RAP1GDS1: variants seen among roughly 807,000 people sequenced by gnomAD.
RAP1GDS1 encodes RAP1, GTP-GDP dissociation stimulator 1.
RAP1GDS1 carries 35 observed loss-of-function variants against 71.1 expected under a neutral mutation model. The observed-to-expected ratio is 0.49, with a 90% CI of 0.38 to 0.65. The LOEUF (loss-of-function observed/expected upper bound fraction) is 0.65, where lower values mean the gene tolerates loss of function less well. Among genes scored for constraint, RAP1GDS1 ranks in the 30% least tolerant of loss-of-function variants. RAP1GDS1 has a pLI of 0.00. For missense variants in RAP1GDS1, 663 were observed against 706.1 expected (o/e 0.94, Z 0.69); for synonymous variants, 229 against 243.1 (o/e 0.94, Z 0.54).
chr4:98,378,488 C>G (rs1741505712), intron 4 of RAP1GDS1, among the ~76,000 whole-genome samples: 1 of 151,800 alleles, frequency 6.6e-6, no homozygotes, highest in Non-Finnish European at 1.5e-5. Flanking sequence ...TCAGGAATTA[C>G]CTATTATGAT....
At chr4:98,283,426 A>C (rs778336120) in intron 1 of RAP1GDS1, among the ~76,000 whole-genome samples, 5 of 152,184 alleles carry the variant, frequency 3.3e-5, no homozygotes, top group Non-Finnish European at 7.4e-5. Flanking sequence ...CATCAGTCAA[A>C]TGAGCAACAC....
In RAP1GDS1 at chr4:98,421,403, C is replaced by A; in HGVS notation, c.1440+9C>A. 1 of 1,584,666 alleles carries A rather than the reference C, an allele frequency of 6.3e-7. No homozygotes were observed. Among genetic ancestry groups the A allele is most frequent in the Non-Finnish European group, 8.6e-7 (1 of 1,166,624 alleles). ...GACACAGTAAATCAAAAGTAAGTTC[C>A]AGAGGAAACTGTTCACTAGAAAACT... On this transcript the variant is annotated intron_variant, in intron 12 of 14. Transcript: ENST00000408927.
intron 2 of RAP1GDS1, among the ~76,000 whole-genome samples, chr4:98,321,645 C>G (rs1368027599): frequency 5.4e-5 from 8 of 148,378 alleles, no homozygotes; most frequent in African/African-American, 1.7e-4. Flanking sequence ...ATTTTCAACC[C>G]AGAATTTCAT....
chr4:98,298,844 A>G (rs1202243746), intron 2 of RAP1GDS1, among the ~76,000 whole-genome samples: 1 of 152,178 alleles, frequency 6.6e-6, no homozygotes, highest in Non-Finnish European at 1.5e-5. Flanking sequence ...GAAAACCTGG[A>G]AAGGATTTAC....
At chr4:98,411,111 TACAA>T (rs1317882541) in intron 7 of RAP1GDS1, among the ~76,000 whole-genome samples, 1 of 152,260 alleles carries the variant, frequency 6.6e-6, no homozygotes, top group African/African-American at 2.4e-5. Context: ...ACATGATACA[TACAA>T]GTGTACATTC....
intron 1 of RAP1GDS1, among the ~76,000 whole-genome samples, chr4:98,262,776 T>G (rs1722208914): frequency 6.6e-6 from 1 of 152,240 alleles, no homozygotes. Flanking sequence ...ACTCAGAATC[T>G]TCAAGAAGTA....
chr4:98,416,048 C>T (rs1333368669), intron 7 of RAP1GDS1, among the ~76,000 whole-genome samples: 2 of 152,114 alleles, frequency 1.3e-5, no homozygotes, highest in Non-Finnish European at 2.9e-5. Flanking sequence ...TCCCAAAGCA[C>T]TGGGATTACA....
At chr4:98,278,993 CG>C (rs1245973436) in intron 1 of RAP1GDS1, among the ~76,000 whole-genome samples, 6 of 152,114 alleles carry the variant, frequency 3.9e-5, no homozygotes. Flanking sequence ...GAGGCCAAGG[CG>C]GGTGGATCAT....
intron 2 of RAP1GDS1, among the ~76,000 whole-genome samples, chr4:98,340,560 C>G (rs568918056): frequency 3.8e-4 from 58 of 152,052 alleles, no homozygotes; most frequent in African/African-American, 1.3e-3. Context: ...CCAGCCTGGC[C>G]AACATAGCAA....
rs574493357 is a variant in RAP1GDS1 at position 98,304,103 on chromosome 4, G to A, written c.112+10588G>A. On this transcript the variant is annotated intron_variant, in intron 2 of 14. Coordinates refer to ENST00000408927, the MANE Select transcript of RAP1GDS1 (RefSeq NM_001100427.2). Reference sequence around the variant, plus strand: ...CACATTTCCAGTCTATCATTGATGGGCATTTGGGTTGGTTCCATGTCTTTG... The same window carrying A: ...CACATTTCCAGTCTATCATTGATGGACATTTGGGTTGGTTCCATGTCTTTG... 3.4e-4 allele frequency among the ~76,000 whole-genome samples: 51 copies of A among 152,212 alleles called. No individual in the cohort carries two copies. The South Asian group carries it at 9.3e-3, about 28-fold the overall frequency.
At chr4:98,423,233 C>G (rs1749132670) in intron 12 of RAP1GDS1, among the ~76,000 whole-genome samples, 1 of 152,034 alleles carries the variant, frequency 6.6e-6, no homozygotes, top group Non-Finnish European at 1.5e-5. Flanking sequence ...CTAGGAATCT[C>G]AGGAGGAAAG....
chr4:98,317,097 A>G (rs1731050276), intron 2 of RAP1GDS1, among the ~76,000 whole-genome samples: 1 of 151,848 alleles, frequency 6.6e-6, no homozygotes, highest in South Asian at 2.1e-4. Flanking sequence ...GACTAATATT[A>G]TTTCCCTCTT....
chr4:98,318,882 A>G (rs1220353432), intron 2 of RAP1GDS1, among the ~76,000 whole-genome samples: 1 of 152,164 alleles, frequency 6.6e-6, no homozygotes, highest in African/African-American at 2.4e-5. Flanking sequence ...AGAACTTTCC[A>G]TTTAATATTC....
intron 2 of RAP1GDS1, among the ~76,000 whole-genome samples, chr4:98,340,474 C>T (rs1403768711): frequency 3.3e-5 from 5 of 152,130 alleles, no homozygotes; most frequent in Admixed American, 2.0e-4. Context: ...GTGGCTCACA[C>T]CTGTAATCCC....
chr4:98,299,841 G>A (rs1242063414), intron 2 of RAP1GDS1, among the ~76,000 whole-genome samples: 7 of 151,708 alleles, frequency 4.6e-5, no homozygotes, highest in Non-Finnish European at 1.0e-4. Context: ...GGTTGGTCTC[G>A]AACTCCTGAC....
intron 7 of RAP1GDS1, among the ~76,000 whole-genome samples, chr4:98,415,079 GTAT>G (rs1747735508): frequency 6.6e-6 from 1 of 152,086 alleles, no homozygotes; most frequent in African/African-American, 2.4e-5. Context: ...ATTCCCCAGG[GTAT>G]TATTAATATT....
chr4:98,375,034 C>T (rs1740960636), intron 4 of RAP1GDS1, among the ~76,000 whole-genome samples: 1 of 152,162 alleles, frequency 6.6e-6, no homozygotes, highest in Admixed American at 6.6e-5. Context: ...CCTAGGGCTG[C>T]TGTAACAAAG....
intron 5 of RAP1GDS1, among the ~76,000 whole-genome samples, chr4:98,386,838 A>G (rs1742840078): frequency 6.6e-6 from 1 of 152,068 alleles, no homozygotes. Flanking sequence ...TTTACTTTGC[A>G]GTGTTATAAT....
chr4:98,330,582 C>T (rs573846752), intron 2 of RAP1GDS1, among the ~76,000 whole-genome samples: 150 of 143,918 alleles, frequency 1.0e-3, no homozygotes, highest in South Asian at 1.8e-3. Flanking sequence ...ACATCCCAGA[C>T]GGGGCGGCCG....
Sources: allele counts gnomAD v4.1 joint callset (sites outside exome capture counted in the v4.1 genomes callset), GRCh38; gene constraint gnomAD v4.1.1; transcripts MANE v1.5; gene names NCBI Gene and HGNC (gene_info 2026-07-23, HGNC 2026-07-21).